The following GATM variants were observed in gnomAD, a reference collection of about 807,000 sequenced individuals.
GATM encodes glycine amidinotransferase, mitochondrial.
In GATM, 23 loss-of-function variants were observed where a neutral mutation model predicts 54.2. The ratio of observed to expected loss-of-function variants is 0.42; its 90% CI spans 0.31 to 0.60. The LOEUF is 0.60. Ranked by LOEUF, GATM falls within the 20% of genes least tolerant of loss-of-function variation. The probability of loss-of-function intolerance (pLI) is 0.14; values close to 1 mark genes in which losing one functional copy is unlikely to be tolerated. For synonymous variants in GATM, 168 were observed against 183.1 expected (o/e 0.92, Z 0.67); for missense variants, 401 against 544.9 (o/e 0.74, Z 2.63).
rs1031404748 is a variant in GATM at position 45,390,497 on chromosome 15, G to A, written c.-319+6425C>T. ...TTGATTCAGTGAAAGGAGGTATCCAGATCACATCAAAATGACAATAAGCTA... is the reference window on the plus strand; with the variant it reads ...TTGATTCAGTGAAAGGAGGTATCCAAATCACATCAAAATGACAATAAGCTA... On this transcript the variant is annotated intron_variant, in intron 3 of 4. Coordinates refer to the GATM transcript ENST00000561148. Among the ~76,000 whole-genome samples the A allele has an allele frequency of 1.0e-3, 159 of 152,200 alleles. 3 individuals are homozygous for A. The highest frequency in any genetic ancestry group is 4.3e-4 in the Non-Finnish European group (29 of 68,026).
chr15:45,402,096 T>G, exon 1 of GATM: 1 of 306,668 alleles, frequency 3.3e-6, no homozygotes. Flanking sequence ...GCCGGTGACT[T>G]CCAAGATATA....
chr15:45,383,197 AG>A (rs1169046761), upstream of GATM, among the ~76,000 whole-genome samples: 1 of 152,228 alleles, frequency 6.6e-6, no homozygotes, highest in East Asian at 1.9e-4. Flanking sequence ...ATTTCAAATG[AG>A]TTACAAAATC....
chr15:45,400,966 CTT>C (rs35335867), intron 1 of GATM, among the ~76,000 whole-genome samples: 6 of 150,844 alleles, frequency 4.0e-5, no homozygotes, highest in Admixed American at 2.6e-4. Flanking sequence ...AAAACGATGG[CTT>C]TTTTTTTATT....
Position 45,366,429 on chromosome 15 carries a change from C to A in GATM, c.755G>T (p.Cys252Phe). 1 of 1,614,166 alleles carries A rather than the reference C, an allele frequency of 6.2e-7. No homozygotes were observed. Among genetic ancestry groups the A allele is most frequent in the Non-Finnish European group, 8.5e-7 (1 of 1,180,014 alleles). The change falls in exon 5 of 9, where the codon TGC (cysteine) becomes TTC (phenylalanine). Residue 252 changes from cysteine (C) to phenylalanine (F), a missense_variant. This residue lies in a region of GATM where 321 missense variants were observed against 457.5 expected (regional missense o/e 0.70). Transcript: ENST00000396659. ...GKFVTTEFEP[C>F]FDAADFIRAG... is the part of the protein sequence containing the mutation. ...TCGAATGAAGTCAGCAGCATCAAAG[C>A]ATGGCTCAAACTCAGTTGTCACAAA...
In GATM at chr15:45,368,030, G is replaced by C; in HGVS notation, c.675+40C>G. On this transcript the variant is annotated intron_variant, in intron 4 of 8. Coordinates refer to ENST00000396659, the MANE Select transcript of GATM (RefSeq NM_001482.3). This position sits in a 1 kb window ranked among gnomAD's most constrained non-coding sequence, Gnocchi z 5.1. ...TATCTTACTCTTTGTGGATCATTTA[G>C]AAAAGTTAGTAATAAGCTAGCCTAT... The C allele has an allele frequency of 6.4e-7, 1 of 1,569,382 alleles. No homozygotes were observed. The highest frequency in any genetic ancestry group is 8.8e-7 in the Non-Finnish European group (1 of 1,140,582).
At position 45,369,430 on chromosome 15, in the gene GATM, A is replaced by G. The variant is rs1896556912; in HGVS notation, c.380T>C (p.Ile127Thr). ...KDHLKKAVAE[I>T]EEMCNILKTE... ...TTTTAAAATATTGCACATTTCTTCA[A>G]TTTCAGCAACAGCCTTTTTCAAATG... The change falls in exon 3 of 9, where the codon ATT (isoleucine) becomes ACT (threonine). Residue 127 changes from isoleucine to threonine, a missense_variant. Ile to Thr is a moderately conservative substitution (Grantham distance 89). This residue lies in a region of GATM where 321 missense variants were observed against 457.5 expected (regional missense o/e 0.70). Coordinates refer to ENST00000396659, the MANE Select transcript of GATM (RefSeq NM_001482.3). 2 of 1,614,144 alleles carry G rather than the reference A, an allele frequency of 1.2e-6. No individual in the cohort carries two copies. Among genetic ancestry groups the G allele is most frequent in the Non-Finnish European group, 1.7e-6 (2 of 1,180,004 alleles).
In GATM at chr15:45,362,155, G is replaced by T. The variant is rs1037788014; in HGVS notation, c.1226C>A (p.Thr409Asn). The T allele has an allele frequency of 1.2e-6, 2 of 1,613,964 alleles. No homozygotes were observed. The highest frequency in any genetic ancestry group is 1.7e-6 in the Non-Finnish European group (2 of 1,179,894). Reference sequence around the variant, plus strand: ...GGTGCCTCGGCGCCGGACATCGCAGGTCCAGCAATGGAAGCCTCCTCCCAG... The same window carrying T: ...GGTGCCTCGGCGCCGGACATCGCAGTTCCAGCAATGGAAGCCTCCTCCCAG... ...NSLGGGFHCW[T>N]CDVRRRGTLQ... The change falls in exon 9 of 9, where the codon ACC (threonine) becomes AAC (asparagine). Residue 409 changes from threonine to asparagine, a missense_variant. Coordinates refer to ENST00000396659, the MANE Select transcript of GATM (RefSeq NM_001482.3).
chr15:45,400,858 TA>T (rs1433829839), intron 1 of GATM, among the ~76,000 whole-genome samples: 1 of 152,200 alleles, frequency 6.6e-6, no homozygotes, highest in Non-Finnish European at 1.5e-5. Flanking sequence ...CCCAGATCCT[TA>T]AAGCTTCTTG....
intron 3 of GATM, among the ~76,000 whole-genome samples, chr15:45,385,630 T>C (rs959020091): frequency 4.6e-5 from 7 of 152,192 alleles, no homozygotes; most frequent in Non-Finnish European, 7.3e-5. Flanking sequence ...GGTTGACATA[T>C]TATTTTGAGT....
At chr15:45,376,353 C>T (rs976523342) in intron 2 of GATM, among the ~76,000 whole-genome samples, 1 of 152,166 alleles carries the variant, frequency 6.6e-6, no homozygotes, top group Non-Finnish European at 1.5e-5. Flanking sequence ...GATCTGAGGA[C>T]AGTGAAAGAA....
Position 45,364,800 on chromosome 15 carries a change from C to A in GATM, c.1039G>T (p.Asp347Tyr). The A allele has an allele frequency of 6.2e-7, 1 of 1,612,614 alleles. No individual in the cohort carries two copies. The highest frequency in any genetic ancestry group is 8.5e-7 in the Non-Finnish European group (1 of 1,178,722). Residue 347 changes from aspartate to tyrosine, a missense_variant, in exon 7 of 9, where the codon GAC (aspartate) becomes TAC (tyrosine). This residue lies in a region of GATM where 321 missense variants were observed against 457.5 expected (regional missense o/e 0.70). Transcript: ENST00000396659. ...IITPPTPIIP[D>Y]DHPLWMSSKW... ...CAGTGTATGAAAGTAAACATACCGT[C>A]TGGGATGATTGGTGTTGGAGGAGTA...
Position 45,390,081 on chromosome 15 carries a change from G to A in GATM, c.-319+6841C>T, listed in dbSNP as rs891090146. Among the ~76,000 whole-genome samples the A allele has an allele frequency of 3.3e-5, 5 of 152,036 alleles. No homozygotes were observed. In the South Asian group the frequency reaches 1.0e-3, roughly 31 times the overall value. ...TGGTCAGGCTGGTCTCAAACTCCCG[G>A]GCTCAAGCGATCCGCCTGCCACAGC... is the stretch of plus-strand genomic sequence containing the variant. On this transcript the variant is annotated intron_variant, in intron 3 of 4. Transcript: ENST00000561148.
chr15:45,367,290 G>A (rs1437230216), intron 4 of GATM, among the ~76,000 whole-genome samples: 3 of 151,266 alleles, frequency 2.0e-5, no homozygotes, highest in Non-Finnish European at 4.4e-5. Context: ...GCAGTGAGCC[G>A]AGATCACGCC....
intron 2 of GATM, among the ~76,000 whole-genome samples, chr15:45,376,294 G>A (rs1889632096): frequency 1.3e-5 from 2 of 152,188 alleles, no homozygotes; most frequent in South Asian, 4.1e-4. Context: ...GAAGGGGGCT[G>A]AAAGTAATAT....
At chr15:45,377,668 A>C (rs1595486259) in intron 1 of GATM, 3 of 169,542 alleles carry the variant, frequency 1.8e-5, no homozygotes, top group African/African-American at 7.2e-5. Flanking sequence ...AGGCAGAAGA[A>C]AGACGGAGAA....
At chr15:45,401,606 A>G (rs1890010051) in intron 1 of GATM, among the ~76,000 whole-genome samples, 1 of 152,238 alleles carries the variant, frequency 6.6e-6, no homozygotes, top group African/African-American at 2.4e-5. Context: ...TTAATAACGT[A>G]GATAGGTATC....
chr15:45,394,942 GAT>G (rs1491528367), intron 3 of GATM, among the ~76,000 whole-genome samples: 1 of 152,150 alleles, frequency 6.6e-6, no homozygotes, highest in Non-Finnish European at 1.5e-5. Context: ...AAGGTCATGA[GAT>G]CTCTCTCTCC....
chr15:45,378,691 C>G (rs1397303021), upstream of GATM: 2 of 391,022 alleles, frequency 5.1e-6, no homozygotes, highest in African/African-American at 2.1e-5. Context: ...GCCGCTGGCT[C>G]GAGCCTCCGA....
intron 1 of GATM, among the ~76,000 whole-genome samples, chr15:45,401,543 G>A (rs895434901): frequency 3.4e-5 from 5 of 146,988 alleles, no homozygotes; most frequent in Non-Finnish European, 5.9e-5. Context: ...AATTCCCTGT[G>A]CGAAAGGGAA....
Sources: allele counts gnomAD v4.1 joint callset (sites outside exome capture counted in the v4.1 genomes callset), GRCh38; gene constraint gnomAD v4.1.1; regional missense constraint gnomAD v4.1.1; non-coding constraint Gnocchi (gnomAD v3.1); transcripts MANE v1.5; gene names NCBI Gene and HGNC (gene_info 2026-07-23, HGNC 2026-07-21).